The following PIP4K2A variants were observed in gnomAD, a reference collection of about 807,000 sequenced individuals.
PIP4K2A encodes the protein phosphatidylinositol-5-phosphate 4-kinase type 2 alpha.
A neutral mutation model predicts 42.9 loss-of-function variants in PIP4K2A; 14 were observed. The ratio of observed to expected loss-of-function variants is 0.33; its 90% CI spans 0.22 to 0.51. The LOEUF is 0.51. Among genes scored for constraint, PIP4K2A ranks in the 20% least tolerant of loss-of-function variants. PIP4K2A has a pLI of 0.97. For missense variants in PIP4K2A, 434 were observed against 519.8 expected, an observed-to-expected ratio of 0.83 and a Z score of 1.61; for synonymous variants, 192 against 192.2, an observed-to-expected ratio of 1.00 and a Z score of 0.01.
chr10:22,593,726 G>C (rs10764343), intron 3 of PIP4K2A, among the ~76,000 whole-genome samples: 88,101 of 152,084 alleles, frequency 0.58, 26,289 homozygotes, highest in East Asian at 0.94. Context: ...TCTAGGAACT[G>C]TAAGATTGCA....
intron 1 of PIP4K2A, among the ~76,000 whole-genome samples, chr10:22,705,917 G>A (rs565726392): frequency 6.6e-6 from 1 of 152,006 alleles, no homozygotes; most frequent in African/African-American, 2.4e-5. Context: ...AGTTCTGCAG[G>A]GCTGGGGAGA....
intron 1 of PIP4K2A, among the ~76,000 whole-genome samples, chr10:22,613,736 C>A (rs1172108258): frequency 1.3e-5 from 2 of 152,164 alleles, no homozygotes; most frequent in Non-Finnish European, 2.9e-5. Flanking sequence ...CGTACAGGAA[C>A]CAAGTGAACT....
intron 9 of PIP4K2A, among the ~76,000 whole-genome samples, chr10:22,538,914 C>T (rs1836011071): frequency 6.6e-6 from 1 of 152,154 alleles, no homozygotes; most frequent in Non-Finnish European, 1.5e-5. Flanking sequence ...AGGCTGATTT[C>T]TATTTTAAAA....
At chr10:22,558,872 A>G (rs146713086) in intron 6 of PIP4K2A, among the ~76,000 whole-genome samples, 102 of 152,340 alleles carry the variant, frequency 6.7e-4, no homozygotes, top group African/African-American at 2.1e-3. Flanking sequence ...TAGGGCTGGC[A>G]AGACCTAGCT....
chr10:22,591,813 C>A (rs200591696), intron 3 of PIP4K2A, 32 bp from the exon 4 acceptor site: 3 of 1,568,818 alleles, frequency 1.9e-6, no homozygotes, highest in South Asian at 1.2e-5. Context: ...GGAAGGAAGG[C>A]GGGGGAAGAT....
chr10:22,685,808 G>A (rs1233122357), intron 1 of PIP4K2A, among the ~76,000 whole-genome samples: 3 of 152,126 alleles, frequency 2.0e-5, no homozygotes, highest in Non-Finnish European at 4.4e-5. Flanking sequence ...CACTCGTCTG[G>A]TGCCATGCCC....
rs536240657 is a variant in PIP4K2A at position 22,542,580 on chromosome 10, A to C, written c.793-533T>G. ...TCTGGTGAGTAATGCAGTCCTGTCC[A>C]GGTCAACAAGGTGCTTTCCACGTGT... On this transcript the variant is annotated intron_variant, in intron 7 of 9. Transcript: ENST00000376573. Among the ~76,000 whole-genome samples, 3 of 152,308 alleles carry C rather than the reference A, an allele frequency of 2.0e-5. No individual in the cohort carries two copies. In the South Asian group the frequency reaches 6.2e-4, roughly 32 times the overall value.
At chr10:22,700,601 C>G (rs1833695007) in intron 1 of PIP4K2A, among the ~76,000 whole-genome samples, 1 of 152,166 alleles carries the variant, frequency 6.6e-6, no homozygotes. Context: ...TGCCTGTCTC[C>G]CGCTAATGCA....
chr10:22,571,217 GT>G (rs1293998052), intron 5 of PIP4K2A, among the ~76,000 whole-genome samples: 2 of 152,158 alleles, frequency 1.3e-5, no homozygotes, highest in Non-Finnish European at 2.9e-5. Context: ...GACAGTCTAT[GT>G]TTATTTAGAT....
chr10:22,654,647 A>G (rs987252711), intron 1 of PIP4K2A, among the ~76,000 whole-genome samples: 7 of 152,070 alleles, frequency 4.6e-5, no homozygotes, highest in Admixed American at 2.6e-4. Flanking sequence ...CATTCCCAAG[A>G]AAGGGTCTGG....
intron 1 of PIP4K2A, among the ~76,000 whole-genome samples, chr10:22,664,152 C>CAAAT (rs1350615985): frequency 4.8e-5 from 1 of 20,870 alleles, no homozygotes; most frequent in Non-Finnish European, 8.6e-5. Context: ...CATATATATA[C>CAAAT]ACATATATAT....
At chr10:22,573,211 C>G in intron 5 of PIP4K2A, 100 bp downstream of exon 5, 1 of 1,076,516 alleles carries the variant, frequency 9.3e-7, no homozygotes, top group African/African-American at 1.6e-5. Flanking sequence ...GCTTTAAGTG[C>G]TGAGCGGCTC....
chr10:22,593,358 AT>A lies in PIP4K2A; in HGVS notation c.340-1578del, dbSNP rs538499590. On this transcript the variant is annotated intron_variant, in intron 3 of 9. Transcript: ENST00000376573. ...AAACTTGAGAGAAGGAAAAAAAAAA[AT>A]CTACATAATCCCCAATGACTTTAAA... Among the ~76,000 whole-genome samples the A allele has an allele frequency of 7.2e-5, 11 of 152,332 alleles. 1 individual carries two copies. In the South Asian group the frequency reaches 2.1e-3, roughly 29 times the overall value.
chr10:22,540,186 G>C, intron 8 of PIP4K2A, 112 bp from the exon 9 acceptor site: 1 of 713,332 alleles, frequency 1.4e-6, no homozygotes, highest in Admixed American at 2.0e-5. Context: ...GGATTCAATG[G>C]AACGCGGATG....
intron 6 of PIP4K2A, among the ~76,000 whole-genome samples, chr10:22,560,451 C>T (rs1462991104): frequency 3.3e-5 from 5 of 152,120 alleles, no homozygotes; most frequent in African/African-American, 7.2e-5. Context: ...AAACTGGTTT[C>T]GAAAAGCATT....
At chr10:22,607,030 T>TA (rs139108879) in intron 3 of PIP4K2A, among the ~76,000 whole-genome samples, 11,521 of 152,270 alleles carry the variant, frequency 0.076, 1,201 homozygotes, top group African/African-American at 0.23. Context: ...GTTGAGCACT[T>TA]AACTGTGGAA....
intron 1 of PIP4K2A, among the ~76,000 whole-genome samples, chr10:22,628,731 T>C (rs1838495209): frequency 6.6e-6 from 1 of 152,200 alleles, no homozygotes. Context: ...CAAAGAGTTA[T>C]TCTATAGAAA....
chr10:22,543,873 C>T (rs576871946), intron 7 of PIP4K2A, among the ~76,000 whole-genome samples: 23 of 152,220 alleles, frequency 1.5e-4, no homozygotes, highest in African/African-American at 4.8e-4. Flanking sequence ...CTGGGCACTC[C>T]GGGGTATAGG....
At chr10:22,645,214 T>C (rs1838856120) in intron 1 of PIP4K2A, among the ~76,000 whole-genome samples, 1 of 152,168 alleles carries the variant, frequency 6.6e-6, no homozygotes, top group African/African-American at 2.4e-5. Flanking sequence ...ATATTAATGC[T>C]CACGTATAAC....
Sources: gnomAD v4.1 joint callset for allele counts (sites outside exome capture counted in the v4.1 genomes callset) on GRCh38, gnomAD v4.1.1 for gene constraint, MANE v1.5 for transcripts, NCBI Gene and HGNC (gene_info 2026-07-23, HGNC 2026-07-21) for gene names.